Variants in GRIN2C observed in about 807,000 individuals in gnomAD.
The protein encoded by GRIN2C is glutamate ionotropic receptor NMDA type subunit 2C.
Under a neutral mutation model 77.7 loss-of-function variants are expected in GRIN2C, and 64 were observed. That is an observed-to-expected ratio of 0.82 (90% CI 0.67 to 1.01). GRIN2C has a LOEUF of 1.01. Ranked by LOEUF, GRIN2C falls within the 50% of genes least tolerant of loss-of-function variation. The pLI, the probability that GRIN2C is intolerant of heterozygous loss-of-function variation, is 0.00. For missense variants in GRIN2C, 1,549 were observed against 1,486.0 expected (o/e 1.04, Z -0.70); for synonymous variants, 792 against 643.4 (o/e 1.23, Z -3.49).
chr17:74,847,227 G>T lies in GRIN2C; in HGVS notation c.2001+81C>A. 9.1e-7 allele frequency: 1 copy of T among 1,095,284 alleles called. No individual in the cohort carries two copies. The highest frequency in any genetic ancestry group is 1.3e-5 in the South Asian group (1 of 75,204). 67.8% of individuals were successfully genotyped at this position (1,095,284 alleles called of 1,614,324 possible). ...CCTCCAGGTCAAATTCCCCAGACTC[G>T]ACTGTCCAGGGCCTGCCCACTCACG... is the stretch of plus-strand genomic sequence containing the variant. On this transcript the variant is annotated intron_variant, in intron 9 of 12. Transcript: ENST00000293190. This position sits in a 1 kb window ranked among gnomAD's most constrained non-coding sequence, Gnocchi z 5.2.
chr17:74,852,123 C>T lies in GRIN2C; in HGVS notation c.888G>A (p.Leu296=), dbSNP rs1272153707. 6 of 1,458,712 alleles carry T rather than the reference C, an allele frequency of 4.1e-6. No individual in the cohort carries two copies. Among genetic ancestry groups the T allele is most frequent in the Non-Finnish European group, 5.4e-6 (6 of 1,105,014 alleles). 90.4% of individuals were successfully genotyped at this position (1,458,712 alleles called of 1,614,324 possible). A position where few individuals can be genotyped will look rare whatever the true frequency, so the allele number is the denominator to read the frequency against. Reference sequence around the variant, plus strand: ...GCCAGTAGCTGTGGGCGCCCAGGGCCAGAATGGCCACGCCGTCGCGCACCT... The same window carrying T: ...GCCAGTAGCTGTGGGCGCCCAGGGCTAGAATGGCCACGCCGTCGCGCACCT... ...RQKVRDGVAI[L]ALGAHSYWRQ... is the part of the protein sequence containing the mutation. Residue 296 remains leucine (L), a synonymous_variant, in exon 3 of 13, where the codon CTG becomes CTA. Transcript: ENST00000293190.
chr17:74,846,099 T>C lies in GRIN2C; in HGVS notation c.2317A>G (p.Ile773Val). 2 of 1,614,208 alleles carry C rather than the reference T, an allele frequency of 1.2e-6. No individual in the cohort carries two copies. The highest frequency in any genetic ancestry group is 1.7e-6 in the Non-Finnish European group (2 of 1,180,014). The change falls in exon 11 of 13, where the codon ATA becomes GTA. Residue 773 changes from isoleucine to valine, a missense_variant. Around this residue, in one of 3 missense-constraint regions of GRIN2C, gnomAD observed 717 missense variants for 858.1 expected, o/e 0.84. Coordinates refer to ENST00000293190, the MANE Select transcript of GRIN2C (RefSeq NM_000835.6). The surrounding 1 kb of genome is among the most constrained non-coding windows in gnomAD (Gnocchi z 4.4). ...MQKDSHWKRAIDLALLQFLGD... is the reference protein window; with the variant it reads ...MQKDSHWKRAVDLALLQFLGD... ...AGGAACTGCAAGAGCGCCAGGTCTA[T>C]GGCCCGCTTCCAGTGGGAGTCCTTC...
chr17:74,850,141 C>T lies in GRIN2C; in HGVS notation c.1491+65G>A, dbSNP rs2037588984. 1 of 1,566,936 alleles carries T rather than the reference C, an allele frequency of 6.4e-7. No individual in the cohort carries two copies. Among genetic ancestry groups the T allele is most frequent in the African/African-American group, 1.3e-5 (1 of 74,128 alleles). ...CCCCCTCTAGAGGGCATCTGAGAGCCACATGGGGCCTGGGCAGCAGGTGGG... is the reference window on the plus strand; with the variant it reads ...CCCCCTCTAGAGGGCATCTGAGAGCTACATGGGGCCTGGGCAGCAGGTGGG... On this transcript the variant is annotated intron_variant, in intron 6 of 12. Transcript: ENST00000293190. The surrounding 1 kb of genome is among the most constrained non-coding windows in gnomAD (Gnocchi z 5.3).
In GRIN2C at chr17:74,852,422, C is replaced by A; in HGVS notation, c.589G>T (p.Asp197Tyr). 1 of 1,516,804 alleles carries A rather than the reference C, an allele frequency of 6.6e-7. No individual in the cohort carries two copies. Among genetic ancestry groups the A allele is most frequent in the Non-Finnish European group, 8.8e-7 (1 of 1,140,720 alleles). The allele number at this position is 1,516,804 out of a possible 1,614,324, so 94.0% of individuals were successfully genotyped here. ...GGGCCCAGCTCCAGCGTGACCACGT[C>A]CAGCAGCCGCCAACTCACGTGGCTG... is the stretch of plus-strand genomic sequence containing the variant. The part of the protein sequence containing the change: ...DASHVSWRLL[D>Y]VVTLELGPGG... Residue 197 changes from aspartate (D) to tyrosine (Y), a missense_variant, in exon 3 of 13, where the codon GAC (aspartate) becomes TAC (tyrosine). This residue lies in a region of GRIN2C where 382 missense variants were observed against 360.0 expected (regional missense o/e 1.06). Coordinates refer to ENST00000293190, the MANE Select transcript of GRIN2C (RefSeq NM_000835.6).
rs2037462545 is a variant in GRIN2C at position 74,846,558 on chromosome 17, GATT to G, written c.2162+199_2162+201del. Among the ~76,000 whole-genome samples, 4 of 108,642 alleles carry G rather than the reference GATT, an allele frequency of 3.7e-5. No homozygotes were observed. The highest frequency in any genetic ancestry group is 7.5e-5 in the Non-Finnish European group (3 of 40,094). 71.3% of individuals were successfully genotyped at this position (108,642 alleles called of 152,430 possible). On this transcript the variant is annotated intron_variant, in intron 10 of 12. Transcript: ENST00000293190. The surrounding 1 kb of genome is among the most constrained non-coding windows in gnomAD (Gnocchi z 4.4). ...CCACCTCAGGCTGAGGCTGAACTTT[GATT>G]GGCACCACAGCTGTGTTCTGAGACA...
At position 74,850,831 on chromosome 17, in the gene GRIN2C, G is replaced by T; in HGVS notation, c.1114-64C>A. On this transcript the variant is annotated intron_variant, in intron 4 of 12. Transcript: ENST00000293190. This position sits in a 1 kb window ranked among gnomAD's most constrained non-coding sequence, Gnocchi z 5.3. ...CTACAGCCCCCACCCTCTAGGTGGA[G>T]CCTGCCAGGGCCAAGAATCTCCCTC... 5.3e-6 allele frequency: 7 copies of T among 1,324,120 alleles called. No homozygotes were observed. The highest frequency in any genetic ancestry group is 2.5e-5 in the East Asian group (1 of 40,038). The allele number at this position is 1,324,120 out of a possible 1,614,324, so 82.0% of individuals were successfully genotyped here. A position where few individuals can be genotyped will look rare whatever the true frequency, so the allele number is the denominator to read the frequency against.
upstream of GRIN2C, chr17:74,860,906 A>C: frequency 4.5e-6 from 1 of 221,824 alleles, no homozygotes; most frequent in South Asian, 5.2e-5. Flanking sequence ...GACCTAGGGA[A>C]ACTGGGGCAC....
Position 74,846,219 on chromosome 17 carries a change from G to A in GRIN2C, c.2197C>T (p.Leu733Phe). The A allele has an allele frequency of 1.2e-6, 2 of 1,614,174 alleles. No individual in the cohort carries two copies. The highest frequency in any genetic ancestry group is 1.7e-6 in the Non-Finnish European group (2 of 1,180,018). ...TCGTCCTTGCCTGCCATGTAGTTGA[G>A]GACAGCAGCATCATAGATGAAGGCA... ...LDAFIYDAAV[L>F]NYMAGKDEGC... Residue 733 changes from leucine (L) to phenylalanine (F), a missense_variant, in exon 11 of 13, where the codon CTC (leucine) becomes TTC (phenylalanine). Physicochemically the swap from Leu to Phe is conservative, Grantham distance 22 (BLOSUM62 0). This residue lies in a region of GRIN2C where 717 missense variants were observed against 858.1 expected (regional missense o/e 0.84). Coordinates refer to ENST00000293190, the MANE Select transcript of GRIN2C (RefSeq NM_000835.6). The surrounding 1 kb of genome is among the most constrained non-coding windows in gnomAD (Gnocchi z 4.4).
At chr17:74,848,490 G>A (rs181144339) in intron 7 of GRIN2C, among the ~76,000 whole-genome samples, 83 of 152,270 alleles carry the variant, frequency 5.5e-4, no homozygotes, top group African/African-American at 1.9e-3. Flanking sequence ...GAGACGGGCG[G>A]ATCGTTCGAG....
chr17:74,854,348 A>C, intron 2 of GRIN2C: 13 of 239,652 alleles, frequency 5.4e-5, no homozygotes, highest in Non-Finnish European at 7.3e-5. Context: ...CCCAGAGGGC[A>C]TGGCACCACC....
In GRIN2C at chr17:74,852,446, T is replaced by TGGCGTC. The variant is rs774317621; in HGVS notation, c.559_564dup (p.Asp187_Ala188dup). 8.4e-6 allele frequency: 13 copies of TGGCGTC among 1,543,396 alleles called. No individual in the cohort carries two copies. In the African/African-American group the frequency reaches 1.7e-4, roughly 20 times the overall value. On this transcript the variant is annotated inframe_insertion, in exon 3 of 13. Coordinates refer to ENST00000293190, the MANE Select transcript of GRIN2C (RefSeq NM_000835.6). ...TCCAGCAGCCGCCAACTCACGTGGC[T>TGGCGTC]GGCGTCGGCGACGGCGCGCACGCCC...
At chr17:74,851,970 C>G in intron 3 of GRIN2C, 43 bp downstream of exon 3, 1 of 1,416,562 alleles carries the variant, frequency 7.1e-7, no homozygotes, top group South Asian at 1.5e-5. Flanking sequence ...TCCCCCGAAG[C>G]GCTCCCCACC....
rs749994716 is a variant in GRIN2C, at chr17:74,842,549, T to C, written c.3588A>G (p.Thr1196=). The C allele has an allele frequency of 2.6e-6, 2 of 778,052 alleles. No individual in the cohort carries two copies. Among genetic ancestry groups the C allele is most frequent in the East Asian group, 4.9e-5 (2 of 41,160 alleles). 48.2% of individuals were successfully genotyped at this position (778,052 alleles called of 1,614,324 possible). Residue 1196 remains threonine, a synonymous_variant, in exon 13 of 13, where the codon ACA becomes ACG. Coordinates refer to ENST00000293190, the MANE Select transcript of GRIN2C (RefSeq NM_000835.6). ...GHRGRTLGLG[T]GYRDSGGLDE... ...CCAGTCCCCCACTGTCTCTGTAGCC[T>C]GTGCCCAGCCCCAGAGTCCTGCCCC...
Position 74,843,524 on chromosome 17 carries a change from C to G in GRIN2C, c.2613G>C (p.Gln871His), listed in dbSNP as rs1296108864. The G allele has an allele frequency of 6.5e-7, 1 of 1,533,344 alleles. No homozygotes were observed. Among genetic ancestry groups the G allele is most frequent in the Non-Finnish European group, 8.7e-7 (1 of 1,146,480 alleles). The allele number at this position is 1,533,344 out of a possible 1,614,324, so 95.0% of individuals were successfully genotyped here. ...CCTGCCGCGGTGGGCTGGCGAGGCT[C>G]TGCACCCCGCTGAAGCAGCTGTAGA... ...RGIYSCFSGV[Q>H]SLASPPRQAS... The change falls in exon 13 of 13, where the codon CAG (glutamine) becomes CAC (histidine). Residue 871 changes from glutamine (Q) to histidine (H), a missense_variant. Coordinates refer to ENST00000293190, the MANE Select transcript of GRIN2C (RefSeq NM_000835.6).
At position 74,847,508 on chromosome 17, in the gene GRIN2C, T is replaced by G; in HGVS notation, c.1801A>C (p.Lys601Gln). The G allele has an allele frequency of 1.2e-6, 2 of 1,613,726 alleles. No individual in the cohort carries two copies. Among genetic ancestry groups the G allele is most frequent in the Non-Finnish European group, 1.7e-6 (2 of 1,179,864 alleles). ...KSGGPAFTIG[K>Q]SVWLLWALVF... is the part of the protein sequence containing the mutation. ...AGCGCCCACAGCAGCCACACGGACTTGCCGATAGTGAAAGCTGGGCCCCCG... is the reference window on the plus strand; with the variant it reads ...AGCGCCCACAGCAGCCACACGGACTGGCCGATAGTGAAAGCTGGGCCCCCG... The change falls in exon 9 of 13, where the codon AAG becomes CAG. Residue 601 changes from lysine to glutamine, a missense_variant. Around this residue, in one of 3 missense-constraint regions of GRIN2C, gnomAD observed 717 missense variants for 858.1 expected, o/e 0.84. Transcript: ENST00000293190. The surrounding 1 kb of genome is among the most constrained non-coding windows in gnomAD (Gnocchi z 5.2).
chr17:74,848,370 C>T (rs895872598), intron 7 of GRIN2C, among the ~76,000 whole-genome samples: 3 of 152,238 alleles, frequency 2.0e-5, no homozygotes, highest in Non-Finnish European at 2.9e-5. Flanking sequence ...GAACTGGAGA[C>T]ATCCACCCCA....
rs377311194 is a variant in GRIN2C, at chr17:74,851,662, C to T, written c.1028G>A (p.Arg343Gln). ...CCCACCAGGGCTGAAGGAGAAGTCT[C>T]GGCCCTCCCAGGTGACATTCAGTAG... Reference protein sequence around the residue: ...RHLLNVTWEGRDFSFSPGGYL... With the variant: ...RHLLNVTWEGQDFSFSPGGYL... The change falls in exon 4 of 13, where the codon CGA (arginine) becomes CAA (glutamine). Residue 343 changes from arginine to glutamine, a missense_variant. This residue lies in a region of GRIN2C where 717 missense variants were observed against 858.1 expected (regional missense o/e 0.84). Transcript: ENST00000293190. 4.5e-6 allele frequency: 7 copies of T among 1,572,192 alleles called. No individual in the cohort carries two copies. The East Asian group carries it at 9.4e-5, about 21-fold the overall frequency.
In GRIN2C at chr17:74,852,237, C is replaced by G; in HGVS notation, c.774G>C (p.Ala258=). The G allele has an allele frequency of 7.1e-7, 1 of 1,408,674 alleles. No homozygotes were observed. Among genetic ancestry groups the G allele is most frequent in the Non-Finnish European group, 9.2e-7 (1 of 1,085,614 alleles). The allele number at this position is 1,408,674 out of a possible 1,614,324, so 87.3% of individuals were successfully genotyped here. Residue 258 remains alanine, a synonymous_variant, in exon 3 of 13, where the codon GCG becomes GCC. Transcript: ENST00000293190. ...CGGGGGGCGCATCGGTGCTGCCCAG[C>G]GCCAGGTTGGGCACCAGCCACACGT... ...PGHVWLVPNL[A]LGSTDAPPAT...
rs928863167 is a variant in GRIN2C at position 74,846,849 on chromosome 17, G to A, written c.2073C>T (p.Asn691=). ...GCATGTCACGGTAGTTACTGCGGAT[G>A]TTCCGCTCCGTGCTGCCGTTGGGCA... ...GTVPNGSTER[N]IRSNYRDMHT... The change falls in exon 10 of 13, where the codon AAC becomes AAT. Residue 691 remains asparagine (N), a synonymous_variant. Transcript: ENST00000293190. This position sits in a 1 kb window ranked among gnomAD's most constrained non-coding sequence, Gnocchi z 4.4. 34 of 1,614,016 alleles carry A rather than the reference G, an allele frequency of 2.1e-5. No individual in the cohort carries two copies. The highest frequency in any genetic ancestry group is 2.8e-5 in the Non-Finnish European group (33 of 1,180,018).
Sources: gnomAD v4.1 joint callset for allele counts (sites outside exome capture counted in the v4.1 genomes callset) on GRCh38, gnomAD v4.1.1 for gene constraint, gnomAD v4.1.1 regional missense constraint, Gnocchi (gnomAD v3.1) non-coding constraint, MANE v1.5 for transcripts, NCBI Gene and HGNC (gene_info 2026-07-23, HGNC 2026-07-21) for gene names.